Variants in TSPAN15 observed in about 807,000 individuals in gnomAD.
TSPAN15 encodes tetraspanin-15.
A neutral mutation model predicts 34.5 loss-of-function variants in TSPAN15; 20 were observed. That is an observed-to-expected ratio of 0.58 (90% CI 0.41 to 0.84). TSPAN15 has a LOEUF of 0.84. Among genes scored for constraint, TSPAN15 ranks in the 40% least tolerant of loss-of-function variants. The pLI, the probability that TSPAN15 is intolerant of heterozygous loss-of-function variation, is 0.00. For missense variants in TSPAN15, 313 were observed against 386.1 expected (o/e 0.81, Z 1.59); for synonymous variants, 155 against 153.9 (o/e 1.01, Z -0.05).
chr10:69,542,650 A>C, the TSPAN15 span, among the ~76,000 whole-genome samples: 1 of 152,184 alleles, frequency 6.6e-6, no homozygotes, highest in Non-Finnish European at 1.5e-5. Context: ...GAGAAGAATG[A>C]GCAAAGGGGG....
intron 3 of TSPAN15, among the ~76,000 whole-genome samples, chr10:69,492,552 T>C (rs530613465): frequency 1.6e-4 from 24 of 152,196 alleles, no homozygotes; most frequent in African/African-American, 5.5e-4. Flanking sequence ...GGGCCCCCCT[T>C]CCCCCAACAA....
intron 1 of TSPAN15, among the ~76,000 whole-genome samples, chr10:69,464,270 C>G (rs1280937782): frequency 6.6e-6 from 1 of 152,232 alleles, no homozygotes; most frequent in Non-Finnish European, 1.5e-5. Flanking sequence ...AAAATGCAAG[C>G]CCTTCTGCCT....
At chr10:69,465,721 A>C (rs1227963) in intron 1 of TSPAN15, among the ~76,000 whole-genome samples, 150,218 of 152,266 alleles carry the variant, frequency 0.99, 74,130 homozygotes, top group East Asian at 1. Flanking sequence ...CAGACTTACC[A>C]GCTTCCTTCC....
intron 1 of TSPAN15, among the ~76,000 whole-genome samples, chr10:69,454,636 A>G (rs915116998): frequency 6.6e-6 from 1 of 151,890 alleles, no homozygotes; most frequent in Admixed American, 6.6e-5. Flanking sequence ...GGGCAACATG[A>G]TGAAACTCTG....
the TSPAN15 span, among the ~76,000 whole-genome samples, chr10:69,520,993 CTTTTTT>C: frequency 7.4e-5 from 11 of 148,342 alleles, no homozygotes; most frequent in Admixed American, 1.3e-4. Flanking sequence ...TGTTATTTTC[CTTTTTT>C]TTTTTTTTTT....
At chr10:69,456,744 C>T (rs530192150) in intron 1 of TSPAN15, among the ~76,000 whole-genome samples, 60 of 152,306 alleles carry the variant, frequency 3.9e-4, no homozygotes, top group Non-Finnish European at 6.5e-4. Context: ...AACTGAGACC[C>T]GCTCCTTGAT....
At chr10:69,473,315 G>C (rs1236431625) in intron 1 of TSPAN15, among the ~76,000 whole-genome samples, 4 of 152,180 alleles carry the variant, frequency 2.6e-5, no homozygotes, top group African/African-American at 4.8e-5. Context: ...AGCCCCTTTT[G>C]GCTTTAGTAT....
chr10:69,498,247 C>G, intron 4 of TSPAN15, 33 bp from the exon 5 acceptor site: 1 of 1,595,932 alleles, frequency 6.3e-7, no homozygotes, highest in Non-Finnish European at 8.6e-7. Flanking sequence ...TGGGCGATGA[C>G]GGCAGCTCCT....
At chr10:69,459,792 G>A (rs542761027) in intron 1 of TSPAN15, among the ~76,000 whole-genome samples, 15 of 133,166 alleles carry the variant, frequency 1.1e-4, no homozygotes, top group Non-Finnish European at 2.3e-4. Flanking sequence ...CCAGCTCTCT[G>A]AGCCTCCGAG....
At chr10:69,497,153 C>T (rs1043206215) in intron 4 of TSPAN15, among the ~76,000 whole-genome samples, 2 of 152,172 alleles carry the variant, frequency 1.3e-5, no homozygotes, top group African/African-American at 2.4e-5. Flanking sequence ...GGGTCTGTTC[C>T]ATTGCAAGAC....
At chr10:69,491,136 T>C (rs1841959806) in intron 3 of TSPAN15, among the ~76,000 whole-genome samples, 4 of 152,092 alleles carry the variant, frequency 2.6e-5, no homozygotes, top group Non-Finnish European at 5.9e-5. Context: ...TGAGGAAGGG[T>C]CTGGCAGATG....
chr10:69,494,836 C>T (rs912287852), intron 3 of TSPAN15: 36 of 985,494 alleles, frequency 3.7e-5, no homozygotes, highest in East Asian at 1.1e-4. Context: ...GCTGGGCTGC[C>T]CACGCTCCTG....
At chr10:69,518,372 C>T in the TSPAN15 span, among the ~76,000 whole-genome samples, 2 of 151,230 alleles carry the variant, frequency 1.3e-5, no homozygotes, top group African/African-American at 2.4e-5. Context: ...CCCCGCCACC[C>T]CAGAGTAAAG....
chr10:69,463,802 C>A (rs1841321753), intron 1 of TSPAN15, among the ~76,000 whole-genome samples: 1 of 129,718 alleles, frequency 7.7e-6, no homozygotes, highest in Admixed American at 8.1e-5. Context: ...GAGTGAGACT[C>A]CGTCTCAAAA....
the TSPAN15 span, among the ~76,000 whole-genome samples, chr10:69,527,254 C>CCA: frequency 1.4e-5 from 2 of 147,694 alleles, no homozygotes; most frequent in Non-Finnish European, 3.0e-5. Flanking sequence ...TTGTCTTGGG[C>CCA]CACACATAAA....
chr10:69,496,673 C>T (rs1842092454), intron 4 of TSPAN15, among the ~76,000 whole-genome samples: 1 of 152,204 alleles, frequency 6.6e-6, no homozygotes, highest in Non-Finnish European at 1.5e-5. Flanking sequence ...TTGGGGGCCT[C>T]AGCTGGCCTG....
chr10:69,545,780 C>T, the TSPAN15 span, among the ~76,000 whole-genome samples: 1 of 152,212 alleles, frequency 6.6e-6, no homozygotes, highest in Middle Eastern at 3.4e-3. Flanking sequence ...CATGGTGAAA[C>T]CTCGTCTCTA....
chr10:69,479,289 C>T lies in TSPAN15; in HGVS notation c.97-4402C>T, dbSNP rs866029046. Reference sequence around the variant, plus strand: ...GAGGCACAGGTGCTGGAATGCCTCACAGAGTCTCCTGCTTCCCAGCAGCTG... The same window carrying T: ...GAGGCACAGGTGCTGGAATGCCTCATAGAGTCTCCTGCTTCCCAGCAGCTG... On this transcript the variant is annotated intron_variant, in intron 1 of 7. Coordinates refer to ENST00000373290, the MANE Select transcript of TSPAN15 (RefSeq NM_012339.5). Among the ~76,000 whole-genome samples the T allele has an allele frequency of 1.4e-4, 22 of 152,380 alleles. 1 individual carries two copies. In the Middle Eastern group the frequency reaches 0.01, roughly 71 times the overall value.
the TSPAN15 span, among the ~76,000 whole-genome samples, chr10:69,520,106 A>G: frequency 6.6e-6 from 1 of 152,202 alleles, no homozygotes. Context: ...CATTGCCCCT[A>G]TACATTTCCA....
Sources: gnomAD v4.1 joint callset for allele counts (sites outside exome capture counted in the v4.1 genomes callset) on GRCh38, gnomAD v4.1.1 for gene constraint, MANE v1.5 for transcripts, NCBI Gene and HGNC (gene_info 2026-07-23, HGNC 2026-07-21) for gene names.